The following PBX1 variants were observed in gnomAD, a reference collection of about 807,000 sequenced individuals.
The protein encoded by PBX1 is PBX homeobox 1.
In PBX1, 6 loss-of-function variants were observed where a neutral mutation model predicts 53.4. That is an observed-to-expected ratio of 0.11 (90% CI 0.06 to 0.22). PBX1 has a LOEUF of 0.22. Ranked by LOEUF, PBX1 falls within the 10% of genes least tolerant of loss-of-function variation. The probability of loss-of-function intolerance (pLI) is 1.00; values close to 1 mark genes in which losing one functional copy is unlikely to be tolerated. For missense variants in PBX1, 251 were observed against 551.4 expected, an observed-to-expected ratio of 0.46 and a Z score of 5.46; for synonymous variants, 204 against 212.3, an observed-to-expected ratio of 0.96 and a Z score of 0.34.
intron 2 of PBX1, among the ~76,000 whole-genome samples, chr1:164,598,987 A>G (rs773103973): frequency 4.0e-5 from 6 of 150,968 alleles, no homozygotes; most frequent in Admixed American, 2.6e-4. Flanking sequence ...GCTCCAGTCT[A>G]TGTCCTGACC....
At chr1:164,715,366 T>C (rs1217562174) in intron 2 of PBX1, among the ~76,000 whole-genome samples, 2 of 152,160 alleles carry the variant, frequency 1.3e-5, no homozygotes, top group Non-Finnish European at 2.9e-5. Context: ...TTATTGTCAT[T>C]TGTTTTCTTT....
At chr1:164,622,413 T>C (rs530827494) in intron 2 of PBX1, among the ~76,000 whole-genome samples, 2 of 152,332 alleles carry the variant, frequency 1.3e-5, no homozygotes, top group African/African-American at 2.4e-5. Context: ...TCTGGATTGA[T>C]CTTTTTCTAT....
intron 2 of PBX1, among the ~76,000 whole-genome samples, chr1:164,697,116 T>A (rs1290783592): frequency 6.6e-6 from 1 of 152,206 alleles, no homozygotes; most frequent in Non-Finnish European, 1.5e-5. Flanking sequence ...GATTAGTTAC[T>A]AAGCACTGCT....
intron 2 of PBX1, among the ~76,000 whole-genome samples, chr1:164,772,247 T>A (rs192534414): frequency 7.0e-4 from 107 of 152,296 alleles, no homozygotes; most frequent in African/African-American, 2.5e-3. Context: ...TGCCGTTAGA[T>A]CTTGGGGTAC....
intron 2 of PBX1, chr1:164,640,926 C>G (rs144541247): frequency 2.0e-5 from 3 of 152,592 alleles, no homozygotes; most frequent in Non-Finnish European, 4.4e-5. Flanking sequence ...AGCTTGACCT[C>G]TCTGTCAAAG....
chr1:164,647,870 G>A (rs1056943149), intron 2 of PBX1, among the ~76,000 whole-genome samples: 8 of 150,600 alleles, frequency 5.3e-5, no homozygotes, highest in East Asian at 2.0e-4. Flanking sequence ...GCTGGAGTGC[G>A]GTGGCGCGAT....
intron 2 of PBX1, among the ~76,000 whole-genome samples, chr1:164,760,893 C>A (rs141006679): frequency 1.0e-3 from 158 of 152,318 alleles, no homozygotes; most frequent in African/African-American, 3.4e-3. Flanking sequence ...TAGATTGCTC[C>A]TTAGAGTACT....
chr1:164,879,469 A>G (rs1386159497), intron 2 of PBX1, among the ~76,000 whole-genome samples: 1 of 152,202 alleles, frequency 6.6e-6, no homozygotes, highest in Non-Finnish European at 1.5e-5. Flanking sequence ...CTGTAAACAT[A>G]GGTGAGGAGG....
chr1:164,818,020 C>T (rs1399918900), intron 6 of PBX1: 2 of 152,110 alleles, frequency 1.3e-5, no homozygotes, highest in Non-Finnish European at 2.9e-5. Flanking sequence ...GTGGGGGAGT[C>T]TGATGACATA....
At chr1:164,576,006 CAAA>C (rs1223687806) in intron 2 of PBX1, among the ~76,000 whole-genome samples, 4 of 152,096 alleles carry the variant, frequency 2.6e-5, no homozygotes, top group Admixed American at 6.5e-5. Flanking sequence ...AAAGAAAAAA[CAAA>C]ACCCAGCAAC....
chr1:164,697,954 C>A (rs1456111147), intron 2 of PBX1, among the ~76,000 whole-genome samples: 1 of 152,156 alleles, frequency 6.6e-6, no homozygotes, highest in Non-Finnish European at 1.5e-5. Context: ...CATGCTAGAT[C>A]CCAGTTGGTC....
At chr1:164,757,409 A>T (rs191396568) in intron 2 of PBX1, among the ~76,000 whole-genome samples, 1 of 152,312 alleles carries the variant, frequency 6.6e-6, no homozygotes, top group Non-Finnish European at 1.5e-5. Context: ...TATCTATTCA[A>T]CTCACTGACG....
intron 2 of PBX1, among the ~76,000 whole-genome samples, chr1:164,743,111 G>C (rs961053988): frequency 6.6e-6 from 1 of 152,176 alleles, no homozygotes; most frequent in Non-Finnish European, 1.5e-5. Context: ...CTAGCCTAAA[G>C]GGGGTGCCTG....
intron 2 of PBX1, among the ~76,000 whole-genome samples, chr1:164,737,251 A>T (rs1378434377): frequency 6.6e-6 from 1 of 152,204 alleles, no homozygotes; most frequent in Non-Finnish European, 1.5e-5. Context: ...GGCACACATC[A>T]CGTTAGTAGT....
intron 2 of PBX1, among the ~76,000 whole-genome samples, chr1:164,616,676 C>CA (rs1657301577): frequency 6.6e-6 from 1 of 151,876 alleles, no homozygotes; most frequent in African/African-American, 2.4e-5. Flanking sequence ...CTTCATGTGA[C>CA]AGAAAAAAAA....
At chr1:164,860,203 C>T (rs1313199051) in intron 2 of PBX1, among the ~76,000 whole-genome samples, 1 of 152,162 alleles carries the variant, frequency 6.6e-6, no homozygotes, top group East Asian at 1.9e-4. Context: ...ATAGCTACTC[C>T]ACCTTCCCCC....
At chr1:164,836,712 G>A (rs1454810750) in intron 8 of PBX1, among the ~76,000 whole-genome samples, 1 of 152,134 alleles carries the variant, frequency 6.6e-6, no homozygotes, top group Non-Finnish European at 1.5e-5. Context: ...TCTGTTAGCT[G>A]TAATGACCCT....
intron 2 of PBX1, among the ~76,000 whole-genome samples, chr1:164,619,997 A>AGCCTGGTCAACATAGTGAGACCC (rs1458818958): frequency 1.3e-5 from 2 of 152,160 alleles, no homozygotes; most frequent in Non-Finnish European, 2.9e-5. Flanking sequence ...ATTTGAGACC[A>AGCCTGGTCAACATAGTGAGACCC]GCCTGGTCAA....
In PBX1 at chr1:164,848,555, A is replaced by G; in HGVS notation, c.*1879A>G. 1 of 1,059,652 alleles carries G rather than the reference A, an allele frequency of 9.4e-7. No homozygotes were observed. The highest frequency in any genetic ancestry group is 1.1e-6 in the Non-Finnish European group (1 of 875,798). The allele number at this position is 1,059,652 out of a possible 1,614,324, so 65.6% of individuals were successfully genotyped here. ...TTAATATCAGTACCTTGATGTCATC[A>G]CCGTGATGACAAAGAGAAGAGTTAT... On this transcript the variant is annotated 3_prime_UTR_variant, in exon 9 of 9. Transcript: ENST00000420696.
Sources: gnomAD v4.1 joint callset for allele counts (sites outside exome capture counted in the v4.1 genomes callset) on GRCh38, gnomAD v4.1.1 for gene constraint, MANE v1.5 for transcripts, NCBI Gene and HGNC (gene_info 2026-07-23, HGNC 2026-07-21) for gene names.